Variants in MUC22 observed in about 807,000 individuals in gnomAD.
MUC22 encodes the protein mucin-22.
MUC22 carries 24 observed loss-of-function variants against 40.3 expected under a neutral mutation model. The ratio of observed to expected loss-of-function variants is 0.60; its 90% CI spans 0.43 to 0.84. The LOEUF (loss-of-function observed/expected upper bound fraction) is 0.84. Ranked by LOEUF, MUC22 falls within the 40% of genes least tolerant of loss-of-function variation. The probability of loss-of-function intolerance (pLI) is 0.00; values close to 1 mark genes in which losing one functional copy is unlikely to be tolerated. For synonymous variants in MUC22, 765 were observed against 844.5 expected (o/e 0.91, Z 1.63); for missense variants, 1,926 against 2,130.7 (o/e 0.90, Z 1.89).
chr6:31,034,863 T>C (rs1362367310), exon 4 of MUC22: 2 of 1,535,426 alleles, frequency 1.3e-6, no homozygotes. Context: ...GAGTGGGCCA[T>C]GGACTGAGCC....
Position 31,029,342 on chromosome 6 carries a change from AG to A in MUC22, c.3912del (p.Thr1305LeufsTer91). ...ACAGCAGTCTATACCACAGGCTCTG[AG>A]ACTACCACCACCTCTACTGAAGGCT... On this transcript the variant is annotated frameshift_variant, in exon 2 of 4. Transcript: ENST00000561890. LOFTEE classifies it high-confidence loss of function. The A allele has an allele frequency of 2.6e-6, 4 of 1,534,950 alleles. No individual in the cohort carries two copies. The highest frequency in any genetic ancestry group is 3.5e-6 in the Non-Finnish European group (4 of 1,146,514).
upstream of MUC22, among the ~76,000 whole-genome samples, chr6:31,008,706 G>A (rs1217843664): frequency 6.6e-6 from 1 of 151,804 alleles, no homozygotes; most frequent in East Asian, 1.9e-4. Flanking sequence ...CCGCCACTAC[G>A]CCCAGCTAAT....
chr6:31,027,763 G>A, exon 2 of MUC22: 1 of 1,530,704 alleles, frequency 6.5e-7, no homozygotes, highest in Middle Eastern at 1.7e-4. Flanking sequence ...GATGACCACA[G>A]TCTCTACTGA....
exon 2 of MUC22, chr6:31,026,459 C>A (rs879136040): frequency 2.0e-6 from 3 of 1,507,012 alleles, no homozygotes; most frequent in Non-Finnish European, 2.7e-6. Flanking sequence ...GCTTCTATGG[C>A]AGGCTCTGAG....
rs146696649 is a variant in MUC22, at chr6:31,031,525, T to C, written c.4670-671T>C. Among the ~76,000 whole-genome samples the C allele has an allele frequency of 1.5e-3, 227 of 152,302 alleles. 1 individual carries two copies. The South Asian group carries it at 0.018, about 12-fold the overall frequency. On this transcript the variant is annotated intron_variant, in intron 2 of 3. Transcript: ENST00000561890. ...CTGCTTTGATTTATTTATTTTCAAT[T>C]TTTTCCATAAGTTATTGGGATGCAG...
At chr6:31,016,085 A>G (rs1315669242) in intron 1 of MUC22, among the ~76,000 whole-genome samples, 1 of 149,902 alleles carries the variant, frequency 6.7e-6, no homozygotes, top group Non-Finnish European at 1.5e-5. Flanking sequence ...TTTTTTTCAA[A>G]GAGATCTTTT....
At chr6:31,008,515 C>T (rs376635524), upstream of MUC22, among the ~76,000 whole-genome samples, 15 of 151,964 alleles carry the variant, frequency 9.9e-5, no homozygotes, top group African/African-American at 3.6e-4. Context: ...CAAGTATTTA[C>T]CCAAAAGAGA....
intron 1 of MUC22, among the ~76,000 whole-genome samples, chr6:31,022,141 G>A (rs953364860): frequency 3.9e-5 from 6 of 152,092 alleles, no homozygotes; most frequent in African/African-American, 7.2e-5. Context: ...AACATCAGAA[G>A]GAGCAAACTC....
At chr6:31,013,898 A>T (rs1296669152) in intron 1 of MUC22, among the ~76,000 whole-genome samples, 4 of 151,972 alleles carry the variant, frequency 2.6e-5, no homozygotes, top group Non-Finnish European at 4.4e-5. Context: ...TGCTTTGGGC[A>T]TGATTTATTG....
intron 2 of MUC22, among the ~76,000 whole-genome samples, chr6:31,031,187 C>T (rs1234318192): frequency 6.6e-6 from 1 of 152,152 alleles, no homozygotes; most frequent in African/African-American, 2.4e-5. Context: ...CTACCTAAGC[C>T]GCCACCACCG....
At chr6:31,033,644 T>C (rs3909113) in intron 3 of MUC22, among the ~76,000 whole-genome samples, 5,781 of 152,348 alleles carry the variant, frequency 0.038, 270 homozygotes, top group East Asian at 0.2. Flanking sequence ...TGGCTCATCC[T>C]GGCCCACAAG....
exon 2 of MUC22, chr6:31,028,231 G>C (rs577550462): frequency 1.6e-5 from 24 of 1,533,048 alleles, no homozygotes; most frequent in Non-Finnish European, 2.0e-5. Flanking sequence ...CACAGGCTCT[G>C]AGACCACAGT....
At chr6:31,010,325 C>T, upstream of MUC22, 1 of 194,912 alleles carries the variant, frequency 5.1e-6, no homozygotes, top group East Asian at 1.2e-4. Flanking sequence ...CTGCTCTCTC[C>T]TCCGCCTTGA....
chr6:31,016,510 A>G (rs958805383), intron 1 of MUC22, among the ~76,000 whole-genome samples: 1 of 152,262 alleles, frequency 6.6e-6, no homozygotes, highest in Non-Finnish European at 1.5e-5. Flanking sequence ...TCTAGAGCAT[A>G]CTAGCATAGC....
chr6:31,031,923 A>G (rs924562881), intron 2 of MUC22, among the ~76,000 whole-genome samples: 1 of 152,120 alleles, frequency 6.6e-6, no homozygotes. Flanking sequence ...TTCTGAACCC[A>G]TCGCGATAAC....
chr6:31,030,592 G>A (rs1222003007), intron 2 of MUC22, among the ~76,000 whole-genome samples: 1 of 131,220 alleles, frequency 7.6e-6, no homozygotes, highest in African/African-American at 2.9e-5. Context: ...TTTTTTAAGT[G>A]CCCACCACTT....
rs377314562 is a variant in MUC22 at position 31,021,608 on chromosome 6, G to T, written c.71-3894G>T. On this transcript the variant is annotated intron_variant, in intron 1 of 3. Transcript: ENST00000561890. The stretch of plus-strand genomic sequence containing the variant: ...CTCAAAGTTTGTGAGTGCACCAATC[G>T]ACACTCTGTATCTAGCTGCTCTGGA... Among the ~76,000 whole-genome samples, 6 of 149,670 alleles carry T rather than the reference G, an allele frequency of 4.0e-5. No homozygotes were observed. In the South Asian group the frequency reaches 8.5e-4, roughly 21 times the overall value.
chr6:31,025,684 G>C (rs754448117), exon 2 of MUC22: 1 of 1,532,024 alleles, frequency 6.5e-7, no homozygotes, highest in Non-Finnish European at 8.7e-7. Flanking sequence ...GGCTTCTACT[G>C]CAGCCTTCAC....
exon 2 of MUC22, chr6:31,027,029 T>G (rs1362798053): frequency 6.7e-7 from 1 of 1,499,308 alleles, no homozygotes; most frequent in Non-Finnish European, 8.9e-7. Context: ...ACTACAGGGT[T>G]TGAGACAACC....
Sources: allele counts gnomAD v4.1 joint callset (sites outside exome capture counted in the v4.1 genomes callset), GRCh38; gene constraint gnomAD v4.1.1; transcripts MANE v1.5; gene names NCBI Gene and HGNC (gene_info 2026-07-23, HGNC 2026-07-21).